The following CDK6 variants were observed in gnomAD, a reference collection of about 807,000 sequenced individuals.
CDK6 encodes the protein cyclin dependent kinase 6.
CDK6 carries 6 observed loss-of-function variants against 37.1 expected under a neutral mutation model. That is an observed-to-expected ratio of 0.16 (90% CI 0.09 to 0.32). The LOEUF (loss-of-function observed/expected upper bound fraction) is 0.32, where lower values mean the gene tolerates loss of function less well. Ranked by LOEUF, CDK6 falls within the 10% of genes least tolerant of loss-of-function variation. The pLI is 1.00. For missense variants in CDK6, 224 were observed against 418.9 expected (o/e 0.53, Z 4.06); for synonymous variants, 160 against 161.3 (o/e 0.99, Z 0.06).
At chr7:92,680,453 A>AG (rs1367608465) in intron 4 of CDK6, among the ~76,000 whole-genome samples, 1 of 151,146 alleles carries the variant, frequency 6.6e-6, no homozygotes, top group Non-Finnish European at 1.5e-5. Flanking sequence ...AAAAAAAAAA[A>AG]AAAAAAAAAG....
chr7:92,778,947 A>ATAT (rs1409140472), intron 2 of CDK6, among the ~76,000 whole-genome samples: 1 of 128,868 alleles, frequency 7.8e-6, no homozygotes. Context: ...ATATATATAT[A>ATAT]AGATATTATA....
intron 3 of CDK6, among the ~76,000 whole-genome samples, chr7:92,730,934 T>C (rs1798632146): frequency 6.6e-6 from 1 of 152,188 alleles, no homozygotes; most frequent in Non-Finnish European, 1.5e-5. Flanking sequence ...CCAGAATGTT[T>C]TAAAACCATG....
chr7:92,719,036 G>A (rs1466251990), intron 4 of CDK6, among the ~76,000 whole-genome samples: 3 of 152,144 alleles, frequency 2.0e-5, no homozygotes, highest in East Asian at 1.9e-4. Context: ...CTGAATCCAC[G>A]AGGTTCCGTT....
intron 4 of CDK6, among the ~76,000 whole-genome samples, chr7:92,672,030 G>C (rs1797081766): frequency 6.7e-6 from 1 of 149,692 alleles, no homozygotes; most frequent in Non-Finnish European, 1.5e-5. Flanking sequence ...TACATACTGG[G>C]TAAAATGTAC....
At chr7:92,772,070 G>C (rs1287819194) in intron 3 of CDK6, among the ~76,000 whole-genome samples, 7 of 152,228 alleles carry the variant, frequency 4.6e-5, no homozygotes, top group African/African-American at 1.4e-4. Context: ...CTATCCATTT[G>C]ATGGTTTTAT....
At chr7:92,791,088 T>C (rs1464390200) in intron 2 of CDK6, among the ~76,000 whole-genome samples, 1 of 152,146 alleles carries the variant, frequency 6.6e-6, no homozygotes, top group Admixed American at 6.6e-5. Flanking sequence ...TTCTAAGGAA[T>C]TGGCAGCAAG....
intron 5 of CDK6, among the ~76,000 whole-genome samples, chr7:92,668,641 A>C (rs2116597228): frequency 6.6e-6 from 1 of 152,318 alleles, no homozygotes; most frequent in Admixed American, 6.5e-5. Context: ...GATTAGCCTA[A>C]AGCAATGAAT....
chr7:92,752,676 G>T (rs934438919), intron 3 of CDK6, among the ~76,000 whole-genome samples: 22 of 152,108 alleles, frequency 1.4e-4, no homozygotes, highest in African/African-American at 4.6e-4. Context: ...GAATTTTTAT[G>T]GAATTACATA....
At chr7:92,751,744 G>A (rs1446131233) in intron 3 of CDK6, among the ~76,000 whole-genome samples, 1 of 151,910 alleles carries the variant, frequency 6.6e-6, no homozygotes, top group African/African-American at 2.4e-5. Flanking sequence ...TTTATGAATG[G>A]CCAAAATCTA....
intron 3 of CDK6, among the ~76,000 whole-genome samples, chr7:92,730,904 T>C (rs1022228113): frequency 6.6e-6 from 1 of 152,178 alleles, no homozygotes; most frequent in Non-Finnish European, 1.5e-5. Flanking sequence ...TACTCAGAAG[T>C]GGAATTGCTG....
chr7:92,785,988 C>T (rs1033016246), intron 2 of CDK6, among the ~76,000 whole-genome samples: 1 of 152,076 alleles, frequency 6.6e-6, no homozygotes, highest in Non-Finnish European at 1.5e-5. Flanking sequence ...TCAATTCACC[C>T]GACAGAGCTT....
chr7:92,656,287 T>C (rs1434169275), intron 5 of CDK6, among the ~76,000 whole-genome samples: 2 of 152,286 alleles, frequency 1.3e-5, no homozygotes, highest in East Asian at 1.9e-4. Context: ...TCAGCCACCA[T>C]AGGAACACCA....
In CDK6 at chr7:92,619,080, T is replaced by C. The variant is rs1267136701; in HGVS notation, c.699-873A>G. On this transcript the variant is annotated intron_variant, in intron 6 of 7. Transcript: ENST00000424848. ...TATACTTTATTTGAATTTATAGTAA[T>C]ATATAAATTTATAATTTAAAGTACA... Among the ~76,000 whole-genome samples the C allele has an allele frequency of 4.6e-5, 7 of 152,248 alleles. No homozygotes were observed. In the East Asian group the frequency reaches 1.2e-3, roughly 25 times the overall value.
intron 2 of CDK6, among the ~76,000 whole-genome samples, chr7:92,784,417 A>C (rs1226010869): frequency 1.3e-5 from 2 of 152,252 alleles, no homozygotes; most frequent in African/African-American, 2.4e-5. Flanking sequence ...TTAGGTCTAG[A>C]TTAGTATAAA....
intron 4 of CDK6, among the ~76,000 whole-genome samples, chr7:92,672,979 T>C (rs1346395573): frequency 2.0e-5 from 3 of 152,244 alleles, no homozygotes; most frequent in East Asian, 1.9e-4. Flanking sequence ...AGTGACTTAC[T>C]TGACCTACAG....
chr7:92,760,511 C>A (rs1199688969), intron 3 of CDK6, among the ~76,000 whole-genome samples: 3 of 152,076 alleles, frequency 2.0e-5, no homozygotes, highest in Non-Finnish European at 4.4e-5. Context: ...TAATAGAGGG[C>A]ATTCCCCAAT....
chr7:92,652,347 A>G (rs954733530), intron 5 of CDK6, among the ~76,000 whole-genome samples: 1 of 152,174 alleles, frequency 6.6e-6, no homozygotes, highest in Non-Finnish European at 1.5e-5. Flanking sequence ...TTACGTCTTT[A>G]TAATTCTTTC....
intron 2 of CDK6, among the ~76,000 whole-genome samples, chr7:92,830,210 C>T (rs1801438660): frequency 6.6e-6 from 1 of 152,174 alleles, no homozygotes; most frequent in Admixed American, 6.5e-5. Context: ...AGGCGAGGGC[C>T]TGGGATACAT....
At position 92,712,810 on chromosome 7, in the gene CDK6, T is replaced by G. The variant is rs139413160; in HGVS notation, c.537+12816A>C. 4.5e-3 allele frequency among the ~76,000 whole-genome samples: 686 copies of G among 152,184 alleles called. 4 individuals carry two copies. Among genetic ancestry groups the G allele is most frequent in the African/African-American group, 0.016 (655 of 41,516 alleles). On this transcript the variant is annotated intron_variant, in intron 4 of 7. Coordinates refer to ENST00000424848, the MANE Select transcript of CDK6 (RefSeq NM_001145306.2). ...AGTTTGGGTATAAGAACATGTGAGT[T>G]TCTCTCTTCTTTAGACATTAATCCT... is the stretch of plus-strand genomic sequence containing the variant.
Sources: allele counts gnomAD v4.1 joint callset (sites outside exome capture counted in the v4.1 genomes callset), GRCh38; gene constraint gnomAD v4.1.1; transcripts MANE v1.5; gene names NCBI Gene and HGNC (gene_info 2026-07-23, HGNC 2026-07-21).